Variants in ANKFN1 observed in about 807,000 individuals in gnomAD.
The protein encoded by ANKFN1 is ankyrin repeat and fibronectin type III domain containing 1.
ANKFN1 carries 74 observed loss-of-function variants against 108.7 expected under a neutral mutation model. The observed-to-expected ratio is 0.68, with a 90% CI of 0.56 to 0.83. The LOEUF (loss-of-function observed/expected upper bound fraction) is 0.83, where lower values mean the gene tolerates loss of function less well. Among genes scored for constraint, ANKFN1 ranks in the 40% least tolerant of loss-of-function variants. The pLI, the probability that ANKFN1 is intolerant of heterozygous loss-of-function variation, is 0.00. For missense variants in ANKFN1, 1,505 were observed against 1,382.3 expected, an observed-to-expected ratio of 1.09 and a Z score of -1.41; for synonymous variants, 547 against 516.2, an observed-to-expected ratio of 1.06 and a Z score of -0.81.
At position 56,516,257 on chromosome 17, in the gene ANKFN1, AG is replaced by A. The variant is rs1359411188; in HGVS notation, c.*4989del. Among the ~76,000 whole-genome samples, 1 of 148,456 alleles carries A rather than the reference AG, an allele frequency of 6.7e-6. No homozygotes were observed. The highest frequency in any genetic ancestry group is 2.1e-4 in the South Asian group (1 of 4,654). On this transcript the variant is annotated 3_prime_UTR_variant, in exon 21 of 21. Coordinates refer to ENST00000682825, the MANE Select transcript of ANKFN1 (RefSeq NM_001370326.1). ...GTTTGATGTTTGTGATTTTTAAAAA[AG>A]TGTGTGTGTGTGTGTGTGTGTGTGC... is the stretch of plus-strand genomic sequence containing the variant.
chr17:56,477,564 G>T lies in ANKFN1; in HGVS notation c.1850G>T (p.Ser617Ile). Reference sequence around the variant, plus strand: ...TATCTGGGTTACCTAAAGCTCTGTAGCTCTGTGGATCAAATCAAAGTTCTT... The same window carrying T: ...TATCTGGGTTACCTAAAGCTCTGTATCTCTGTGGATCAAATCAAAGTTCTT... ...GLYLGYLKLC[S>I]SVDQIKVLVT... is the part of the protein sequence containing the mutation. The change falls in exon 16 of 21, where the codon AGC (serine) becomes ATC (isoleucine). Residue 617 changes from serine to isoleucine, a missense_variant. Physicochemically the swap from Ser to Ile is moderately radical, Grantham distance 142. Coordinates refer to ENST00000682825, the MANE Select transcript of ANKFN1 (RefSeq NM_001370326.1). 1 of 1,612,972 alleles carries T rather than the reference G, an allele frequency of 6.2e-7. No homozygotes were observed. The highest frequency in any genetic ancestry group is 1.3e-5 in the African/African-American group (1 of 74,712).
At chr17:56,228,042 A>ATTGCTGCATTTTTAAAGTC in intron 3 of ANKFN1, 85 bp downstream of exon 3, 1 of 1,148,510 alleles carries the variant, frequency 8.7e-7, no homozygotes, top group Non-Finnish European at 1.3e-6. Flanking sequence ...CCCATCTCAC[A>ATTGCTGCATTTTTAAAGTC]TTGCTGCATT....
chr17:56,439,769 A>G (rs1464234573), intron 8 of ANKFN1, among the ~76,000 whole-genome samples: 1 of 152,208 alleles, frequency 6.6e-6, no homozygotes, highest in East Asian at 1.9e-4. Context: ...ACCTTAAGAG[A>G]GGCTTTTCAG....
chr17:56,263,436 A>G lies in ANKFN1; in HGVS notation c.53+35479A>G, dbSNP rs560623843. Among the ~76,000 whole-genome samples the G allele has an allele frequency of 1.3e-4, 20 of 152,346 alleles. 1 individual carries two copies. The highest frequency in any genetic ancestry group is 6.8e-3 in the Middle Eastern group (2 of 294). Reference sequence around the variant, plus strand: ...TTTTGACAGACCATTAACACCTATAATCTTGTAAATATTTGCAATTTTCTA... The same window carrying G: ...TTTTGACAGACCATTAACACCTATAGTCTTGTAAATATTTGCAATTTTCTA... On this transcript the variant is annotated intron_variant, in intron 3 of 20. Transcript: ENST00000682825.
rs1217581215 is a variant in ANKFN1 at position 56,188,575 on chromosome 17, G to A, written c.-70-24023G>A. The stretch of plus-strand genomic sequence containing the variant: ...TGTGTGTGTGTGTATGTGTGTGTGT[G>A]TGTGTGTATATATATATATATATAT... On this transcript the variant is annotated intron_variant, in intron 1 of 20. Transcript: ENST00000682825. Among the ~76,000 whole-genome samples, 867 of 87,674 alleles carry A rather than the reference G, an allele frequency of 9.9e-3. 6 individuals are homozygous for A. The highest frequency in any genetic ancestry group is 0.024 in the Middle Eastern group (4 of 166). 57.5% of individuals were successfully genotyped at this position (87,674 alleles called of 152,430 possible).
intron 3 of ANKFN1, among the ~76,000 whole-genome samples, chr17:56,235,136 C>A (rs892500596): frequency 2.0e-5 from 3 of 152,122 alleles, no homozygotes; most frequent in African/African-American, 7.2e-5. Flanking sequence ...TGCCTGTCAG[C>A]CACATGTATG....
At chr17:56,060,756 C>T (rs1904959251) in intron 4 of ANKFN1, among the ~76,000 whole-genome samples, 1 of 152,154 alleles carries the variant, frequency 6.6e-6, no homozygotes, top group Non-Finnish European at 1.5e-5. Flanking sequence ...TATGTTGAAC[C>T]AGCTTTGCAT....
chr17:56,180,623 T>A (rs996507163), intron 1 of ANKFN1, among the ~76,000 whole-genome samples: 3 of 152,218 alleles, frequency 2.0e-5, no homozygotes, highest in Non-Finnish European at 4.4e-5. Flanking sequence ...TTTCAATCCT[T>A]ATTAACTCTC....
intron 16 of ANKFN1, among the ~76,000 whole-genome samples, chr17:56,479,306 T>G (rs1470533022): frequency 6.6e-6 from 1 of 152,226 alleles, no homozygotes; most frequent in Non-Finnish European, 1.5e-5. Context: ...GTAATTTATT[T>G]TCTAACTTGA....
chr17:56,201,183 G>C (rs1439739765), intron 1 of ANKFN1, among the ~76,000 whole-genome samples: 2 of 152,092 alleles, frequency 1.3e-5, no homozygotes, highest in African/African-American at 2.4e-5. Flanking sequence ...AACTCACCCA[G>C]TCCTGGATAC....
At chr17:56,415,142 C>A (rs371966364) in intron 8 of ANKFN1, among the ~76,000 whole-genome samples, 2 of 152,186 alleles carry the variant, frequency 1.3e-5, no homozygotes, top group African/African-American at 4.8e-5. Context: ...GGCCTTTCCT[C>A]TAAGATCTGG....
At chr17:56,221,333 C>G (rs1473198424) in intron 2 of ANKFN1, among the ~76,000 whole-genome samples, 1 of 152,042 alleles carries the variant, frequency 6.6e-6, no homozygotes, top group Non-Finnish European at 1.5e-5. Context: ...CAAACTATAT[C>G]AAATATATAA....
chr17:56,176,814 A>G (rs1238439322), intron 1 of ANKFN1, among the ~76,000 whole-genome samples: 1 of 152,156 alleles, frequency 6.6e-6, no homozygotes, highest in African/African-American at 2.4e-5. Context: ...CTTATGTTCT[A>G]TTTTTCCTGT....
At position 56,187,965 on chromosome 17, in the gene ANKFN1, A is replaced by G. The variant is rs56285196; in HGVS notation, c.-70-24633A>G. On this transcript the variant is annotated intron_variant, in intron 1 of 20. Coordinates refer to ENST00000682825, the MANE Select transcript of ANKFN1 (RefSeq NM_001370326.1). ...GGGGTGGGGGAGGGCTAGCATTAGG[A>G]GATATACTGAATGTAAATCACAAGT... Among the ~76,000 whole-genome samples, 847 of 152,282 alleles carry G rather than the reference A, an allele frequency of 5.6e-3. 3 individuals carry two copies. The highest frequency in any genetic ancestry group is 8.8e-3 in the Non-Finnish European group (596 of 68,036).
chr17:56,213,585 C>G (rs767965463), intron 2 of ANKFN1, among the ~76,000 whole-genome samples: 1 of 152,198 alleles, frequency 6.6e-6, no homozygotes, highest in Non-Finnish European at 1.5e-5. Context: ...TTTAAGCTAT[C>G]TACACCTTTC....
At chr17:56,386,360 T>C (rs77686605) in intron 8 of ANKFN1, among the ~76,000 whole-genome samples, 8 of 152,108 alleles carry the variant, frequency 5.3e-5, no homozygotes, top group African/African-American at 1.9e-4. Flanking sequence ...TCAGGAGATA[T>C]ACGTAATGCT....
chr17:56,449,008 C>G, intron 10 of ANKFN1, 71 bp from the exon 11 acceptor site: 1 of 1,360,334 alleles, frequency 7.4e-7, no homozygotes, highest in African/African-American at 1.4e-5. Context: ...AACTCCGGCT[C>G]CTGACGCAGG....
At chr17:56,425,348 A>G (rs1041007256) in intron 8 of ANKFN1, among the ~76,000 whole-genome samples, 1 of 152,212 alleles carries the variant, frequency 6.6e-6, no homozygotes, top group Non-Finnish European at 1.5e-5. Context: ...CACATCTGAC[A>G]TATATCATTG....
At chr17:56,445,899 C>A (rs1194223563) in intron 10 of ANKFN1, among the ~76,000 whole-genome samples, 1 of 152,134 alleles carries the variant, frequency 6.6e-6, no homozygotes, top group Non-Finnish European at 1.5e-5. Context: ...TGTCTCATTA[C>A]CAGAACAGTG....
Sources: gnomAD v4.1 joint callset for allele counts (sites outside exome capture counted in the v4.1 genomes callset) on GRCh38, gnomAD v4.1.1 for gene constraint, MANE v1.5 for transcripts, NCBI Gene and HGNC (gene_info 2026-07-23, HGNC 2026-07-21) for gene names.